The following LRP1B variants were observed in gnomAD, a reference collection of about 807,000 sequenced individuals.
The protein encoded by LRP1B is LDL receptor related protein 1B, also known as low-density lipoprotein receptor-related protein 1B.
Under a neutral mutation model 556.6 loss-of-function variants are expected in LRP1B, and 217 were observed. The ratio of observed to expected loss-of-function variants is 0.39; its 90% CI spans 0.35 to 0.44. The LOEUF (loss-of-function observed/expected upper bound fraction) is 0.44, where lower values mean the gene tolerates loss of function less well. Ranked by LOEUF, LRP1B falls within the 20% of genes least tolerant of loss-of-function variation. LRP1B has a pLI of 1.00. For synonymous variants in LRP1B, 2,047 were observed against 1,865.8 expected, an observed-to-expected ratio of 1.10 and a Z score of -2.50; for missense variants, 5,053 against 5,620.8, an observed-to-expected ratio of 0.90 and a Z score of 3.23.
intron 21 of LRP1B, among the ~76,000 whole-genome samples, chr2:140,917,138 A>C (rs1694603563): frequency 6.6e-6 from 1 of 152,224 alleles, no homozygotes; most frequent in Non-Finnish European, 1.5e-5. Context: ...TAAAACAATA[A>C]TGAGATACAA....
intron 2 of LRP1B, among the ~76,000 whole-genome samples, chr2:141,775,188 G>A (rs546036645): frequency 4.6e-5 from 7 of 152,188 alleles, no homozygotes; most frequent in Non-Finnish European, 1.0e-4. Context: ...GCACATACTC[G>A]TGGGTTATCT....
At chr2:141,329,663 A>AC (rs1553497045) in intron 3 of LRP1B, among the ~76,000 whole-genome samples, 3,059 of 137,394 alleles carry the variant, frequency 0.022, 97 homozygotes, top group South Asian at 0.055. Context: ...AAAAAAAAAA[A>AC]AACTATCTCT....
intron 69 of LRP1B, among the ~76,000 whole-genome samples, chr2:140,372,364 C>A (rs1234804491): frequency 1.3e-5 from 2 of 151,922 alleles, no homozygotes; most frequent in African/African-American, 4.8e-5. Context: ...GTGATTCTGA[C>A]CTAGTCTCTC....
intron 1 of LRP1B, among the ~76,000 whole-genome samples, chr2:142,051,577 A>G (rs1419069774): frequency 6.6e-6 from 1 of 151,896 alleles, no homozygotes; most frequent in Non-Finnish European, 1.5e-5. Context: ...TCCTGGTTCA[A>G]GCAATTCTCC....
intron 47 of LRP1B, among the ~76,000 whole-genome samples, chr2:140,527,044 C>T (rs951130961): frequency 6.6e-6 from 1 of 151,852 alleles, no homozygotes; most frequent in Non-Finnish European, 1.5e-5. Context: ...AACATATACA[C>T]GTGTCATTCC....
At chr2:140,455,040 T>G (rs1391525525) in intron 62 of LRP1B, among the ~76,000 whole-genome samples, 1 of 152,184 alleles carries the variant, frequency 6.6e-6, no homozygotes, top group African/African-American at 2.4e-5. Flanking sequence ...ATAACCTGGA[T>G]GGAGGTTACC....
At position 140,700,545 on chromosome 2, in the gene LRP1B, A is replaced by C. The variant is rs1354781034; in HGVS notation, c.6504T>G (p.Cys2168Trp). The change falls in exon 41 of 91, where the codon TGT (cysteine) becomes TGG (tryptophan). Residue 2168 changes from cysteine to tryptophan, a missense_variant. Physicochemically the swap from Cys to Trp is radical, Grantham distance 215. Coordinates refer to ENST00000389484, the MANE Select transcript of LRP1B (RefSeq NM_018557.3). ...CTGCCAAATATCCATGGGCACAAGC[A>C]CAAGTTCTCCGGGAATTTCCTCGAT... ...CLYRGNSRRT[C>W]ACAHGYLAED... The C allele has an allele frequency of 6.2e-7, 1 of 1,613,508 alleles. No individual in the cohort carries two copies.
chr2:141,812,043 G>C (rs181092267), intron 1 of LRP1B, among the ~76,000 whole-genome samples: 1 of 152,186 alleles, frequency 6.6e-6, no homozygotes, highest in African/African-American at 2.4e-5. Context: ...CAGTGCATTT[G>C]AGAAAAAATA....
intron 3 of LRP1B, among the ~76,000 whole-genome samples, chr2:141,304,581 G>A (rs1686517351): frequency 2.0e-5 from 3 of 147,756 alleles, no homozygotes; most frequent in African/African-American, 7.5e-5. Flanking sequence ...CTGGGTTCAA[G>A]CAATTATCCT....
chr2:140,746,424 G>A lies in LRP1B; in HGVS notation c.5758+22789C>T, dbSNP rs77342277. Among the ~76,000 whole-genome samples, 86 of 152,056 alleles carry A rather than the reference G, an allele frequency of 5.7e-4. No homozygotes were observed. The East Asian group carries it at 0.015, about 27-fold the overall frequency. ...TAATATCGAATCAAAATGTAATTTT[G>A]CTAAGAAGCTTAAATAGGTAGATGG... On this transcript the variant is annotated intron_variant, in intron 35 of 90. Transcript: ENST00000389484.
chr2:140,918,960 T>A (rs1007239573), intron 21 of LRP1B, among the ~76,000 whole-genome samples: 4 of 151,952 alleles, frequency 2.6e-5, no homozygotes, highest in African/African-American at 9.7e-5. Flanking sequence ...CTTTTCCTAT[T>A]GCAACTATTC....
intron 2 of LRP1B, among the ~76,000 whole-genome samples, chr2:141,632,892 TA>T (rs1688966353): frequency 7.0e-6 from 1 of 143,412 alleles, no homozygotes; most frequent in African/African-American, 2.6e-5. Context: ...AAAAAAAGTA[TA>T]AAACTCATTC....
intron 2 of LRP1B, among the ~76,000 whole-genome samples, chr2:141,688,393 A>G (rs1018024193): frequency 6.6e-6 from 1 of 151,882 alleles, no homozygotes; most frequent in Non-Finnish European, 1.5e-5. Context: ...TCCATGTTCT[A>G]TTACTATTTA....
chr2:142,106,439 T>A (rs1393222893), intron 1 of LRP1B, among the ~76,000 whole-genome samples: 4 of 152,142 alleles, frequency 2.6e-5, no homozygotes, highest in African/African-American at 9.7e-5. Flanking sequence ...AGATACAAAA[T>A]CTCAGTTTTG....
intron 2 of LRP1B, among the ~76,000 whole-genome samples, chr2:141,675,679 G>GTATATATATA (rs1432638705): frequency 1.6e-4 from 2 of 12,530 alleles, no homozygotes; most frequent in African/African-American, 3.4e-4. Context: ...AATTTATTTG[G>GTATATATATA]TATATATATA....
In LRP1B at chr2:142,000,972, T is replaced by C. The variant is rs114907078; in HGVS notation, c.82+129676A>G. ...AGGGACCCAGTGAAAAATAAGTGAA[T>C]CACAGGGGTGGTTTCCCCCATACTG... On this transcript the variant is annotated intron_variant, in intron 1 of 90. Coordinates refer to ENST00000389484, the MANE Select transcript of LRP1B (RefSeq NM_018557.3). 6.5e-3 allele frequency among the ~76,000 whole-genome samples: 992 copies of C among 152,232 alleles called. 14 individuals carry two copies. Among genetic ancestry groups the C allele is most frequent in the African/African-American group, 0.022 (915 of 41,542 alleles).
chr2:140,307,462 A>T (rs550495651), intron 83 of LRP1B, among the ~76,000 whole-genome samples: 110 of 151,898 alleles, frequency 7.2e-4, no homozygotes, highest in Admixed American at 2.5e-3. Flanking sequence ...TTCATATAAA[A>T]TCCTATTGCT....
At chr2:141,499,010 A>G (rs553336737) in intron 2 of LRP1B, among the ~76,000 whole-genome samples, 1 of 152,248 alleles carries the variant, frequency 6.6e-6, no homozygotes, top group African/African-American at 2.4e-5. Context: ...GTCTTCTCTC[A>G]TGAATTAATG....
chr2:140,807,136 G>T (rs1185770971), intron 32 of LRP1B, among the ~76,000 whole-genome samples: 2 of 152,128 alleles, frequency 1.3e-5, no homozygotes, highest in Non-Finnish European at 2.9e-5. Context: ...GCAGGCATTA[G>T]TGACCAGGAA....
Sources: allele counts gnomAD v4.1 joint callset (sites outside exome capture counted in the v4.1 genomes callset), GRCh38; gene constraint gnomAD v4.1.1; transcripts MANE v1.5; gene names NCBI Gene and HGNC (gene_info 2026-07-23, HGNC 2026-07-21).